KCNQ1: variants seen among roughly 807,000 people sequenced by gnomAD.
The protein encoded by KCNQ1 is potassium voltage-gated channel subfamily KQT member 1.
Under a neutral mutation model 72.4 loss-of-function variants are expected in KCNQ1, and 49 were observed. The ratio of observed to expected loss-of-function variants is 0.68; its 90% CI spans 0.54 to 0.86. The LOEUF (loss-of-function observed/expected upper bound fraction) is 0.86, where lower values mean the gene tolerates loss of function less well. Ranked by LOEUF, KCNQ1 falls within the 40% of genes least tolerant of loss-of-function variation. KCNQ1 has a pLI of 0.00. For missense variants in KCNQ1, 790 were observed against 945.1 expected, an observed-to-expected ratio of 0.84 and a Z score of 2.15; for synonymous variants, 450 against 412.6, an observed-to-expected ratio of 1.09 and a Z score of -1.10.
At position 2,465,188 on chromosome 11, in the gene KCNQ1, C is replaced by T. The variant is rs375228022; in HGVS notation, c.386+19704C>T. On this transcript the variant is annotated intron_variant, in intron 1 of 15. Transcript: ENST00000155840. Reference sequence around the variant, plus strand: ...TTTTTATTTTTTTTTGAAGCAGGGTCTCACTCTGTCGCCTAGGTTAGAGTG... The same window carrying T: ...TTTTTATTTTTTTTTGAAGCAGGGTTTCACTCTGTCGCCTAGGTTAGAGTG... Among the ~76,000 whole-genome samples the T allele has an allele frequency of 9.2e-5, 14 of 152,242 alleles. No homozygotes were observed. The Middle Eastern group carries it at 0.01, about 111-fold the overall frequency.
chr11:2,657,753 G>A lies in KCNQ1; in HGVS notation c.1394-4208G>A. 1 of 398,556 alleles carries A rather than the reference G, an allele frequency of 2.5e-6. No individual in the cohort carries two copies. 24.7% of individuals were successfully genotyped at this position (398,556 alleles called of 1,614,324 possible). ...TCTCTGATCGGTGACGGGCTTCTCA[G>A]TCTTGTTCTTCATTAACTTGACACT... On this transcript the variant is annotated intron_variant, in intron 10 of 15. Transcript: ENST00000155840. This position sits in a 1 kb window ranked among gnomAD's most constrained non-coding sequence, Gnocchi z 4.8.
At chr11:2,693,610 C>T (rs1850624879) in intron 11 of KCNQ1, 2 of 398,664 alleles carry the variant, frequency 5.0e-6, no homozygotes, top group Admixed American at 8.8e-5. Flanking sequence ...AAATTGCAAA[C>T]AAGAGCTTCG....
intron 11 of KCNQ1, among the ~76,000 whole-genome samples, chr11:2,729,105 C>T (rs555943169): frequency 6.6e-6 from 1 of 152,220 alleles, no homozygotes; most frequent in Non-Finnish European, 1.5e-5. Flanking sequence ...AAAGGGCGCT[C>T]GGGCCAGGAA....
chr11:2,548,272 A>C (rs774259095), intron 2 of KCNQ1, among the ~76,000 whole-genome samples: 4 of 152,210 alleles, frequency 2.6e-5, no homozygotes, highest in Non-Finnish European at 4.4e-5. Context: ...GGCTTCGTCC[A>C]GGGAGGTAGA....
chr11:2,536,390 T>G lies in KCNQ1; in HGVS notation c.477+8372T>G, dbSNP rs982787896. 6.7e-6 allele frequency among the ~76,000 whole-genome samples: 1 copy of G among 150,252 alleles called. No individual in the cohort carries two copies. The highest frequency in any genetic ancestry group is 1.5e-5 in the Non-Finnish European group (1 of 67,718). ...GTTATGGAAGGAAGGGAGGCTGGGGTGGGTGCCCCGAGTGCCTTGTTGGAG... is the reference window on the plus strand; with the variant it reads ...GTTATGGAAGGAAGGGAGGCTGGGGGGGGTGCCCCGAGTGCCTTGTTGGAG... On this transcript the variant is annotated intron_variant, in intron 2 of 15. Coordinates refer to ENST00000155840, the MANE Select transcript of KCNQ1 (RefSeq NM_000218.3). The surrounding 1 kb of genome is among the most constrained non-coding windows in gnomAD (Gnocchi z 7.4).
rs140174537 is a variant in KCNQ1, at chr11:2,759,034, G to A, written c.1515-9810G>A. 1.3e-3 allele frequency among the ~76,000 whole-genome samples: 200 copies of A among 152,124 alleles called. No homozygotes were observed. Among genetic ancestry groups the A allele is most frequent in the Admixed American group, 1.8e-3 (28 of 15,292 alleles). On this transcript the variant is annotated intron_variant, in intron 11 of 15. Coordinates refer to ENST00000155840, the MANE Select transcript of KCNQ1 (RefSeq NM_000218.3). The surrounding 1 kb of genome is among the most constrained non-coding windows in gnomAD (Gnocchi z 4.4). ...ACTGTACCAATGTCAATCTCCTGGC[G>A]TTGATCTGTTACTCCACCCATGCAA...
At chr11:2,807,238 C>T (rs1265414971) in intron 15 of KCNQ1, among the ~76,000 whole-genome samples, 1 of 152,238 alleles carries the variant, frequency 6.6e-6, no homozygotes, top group East Asian at 1.9e-4. Flanking sequence ...GCCGCAGCGA[C>T]GCCTCGAACG....
At position 2,813,344 on chromosome 11, in the gene KCNQ1, A is replaced by G. The variant is rs149873924; in HGVS notation, c.1795-34423A>G. Among the ~76,000 whole-genome samples the G allele has an allele frequency of 1.4e-4, 22 of 152,274 alleles. No homozygotes were observed. In the East Asian group the frequency reaches 3.9e-3, roughly 27 times the overall value. On this transcript the variant is annotated intron_variant, in intron 15 of 15. Transcript: ENST00000155840. This position sits in a 1 kb window ranked among gnomAD's most constrained non-coding sequence, Gnocchi z 4.4. ...CTGCCCTGTGTCCTCATGCACCTCC[A>G]TTCAGGGAACCTGGGCTCCCCACTC... is the stretch of plus-strand genomic sequence containing the variant.
intron 1 of KCNQ1, among the ~76,000 whole-genome samples, chr11:2,525,055 T>C (rs1455653292): frequency 6.6e-6 from 1 of 152,104 alleles, no homozygotes; most frequent in Non-Finnish European, 1.5e-5. Context: ...GGAGCCCTGG[T>C]AGGGTGGAGA....
rs1850851820 is a variant in KCNQ1, at chr11:2,703,367, T to C, written c.1514+41286T>C. Among the ~76,000 whole-genome samples, 1 of 152,178 alleles carries C rather than the reference T, an allele frequency of 6.6e-6. No homozygotes were observed. The highest frequency in any genetic ancestry group is 1.5e-5 in the Non-Finnish European group (1 of 68,016). ...ACGTGACAGAGGGCAGGTCCCATTC[T>C]CCTTTTGTGTCTGGTTTGCCTCATC... On this transcript the variant is annotated intron_variant, in intron 11 of 15. Coordinates refer to ENST00000155840, the MANE Select transcript of KCNQ1 (RefSeq NM_000218.3). This position sits in a 1 kb window ranked among gnomAD's most constrained non-coding sequence, Gnocchi z 6.4.
rs927093844 is a variant in KCNQ1 at position 2,670,879 on chromosome 11, G to A, written c.1514+8798G>A. 2.5e-6 allele frequency: 1 copy of A among 398,644 alleles called. No individual in the cohort carries two copies. Among genetic ancestry groups the A allele is most frequent in the Non-Finnish European group, 4.4e-6 (1 of 226,076 alleles). 24.7% of individuals were successfully genotyped at this position (398,644 alleles called of 1,614,324 possible). Reference sequence around the variant, plus strand: ...TCACTGGCCAGTGGGCCACTGGGAAGCCTCCTGGATTGCCTGGACAAGGCT... The same window carrying A: ...TCACTGGCCAGTGGGCCACTGGGAAACCTCCTGGATTGCCTGGACAAGGCT... On this transcript the variant is annotated intron_variant, in intron 11 of 15. Coordinates refer to ENST00000155840, the MANE Select transcript of KCNQ1 (RefSeq NM_000218.3). This position sits in a 1 kb window ranked among gnomAD's most constrained non-coding sequence, Gnocchi z 4.9.
rs193084677 is a variant in KCNQ1 at position 2,486,152 on chromosome 11, A to T, written c.386+40668A>T. On this transcript the variant is annotated intron_variant, in intron 1 of 15. Coordinates refer to ENST00000155840, the MANE Select transcript of KCNQ1 (RefSeq NM_000218.3). The surrounding 1 kb of genome is among the most constrained non-coding windows in gnomAD (Gnocchi z 5.0). ...CCACAGTAGCTACCACATCCTCACCAACACTTGTAATTTCTGGGGTTTTTT... is the reference window on the plus strand; with the variant it reads ...CCACAGTAGCTACCACATCCTCACCTACACTTGTAATTTCTGGGGTTTTTT... 6.6e-6 allele frequency among the ~76,000 whole-genome samples: 1 copy of T among 152,298 alleles called. No individual in the cohort carries two copies. Among genetic ancestry groups the T allele is most frequent in the Non-Finnish European group, 1.5e-5 (1 of 68,022 alleles).
At chr11:2,571,946 C>A in intron 4 of KCNQ1, 67 bp from the exon 5 acceptor site, 1 of 1,385,246 alleles carries the variant, frequency 7.2e-7, no homozygotes, top group Non-Finnish European at 1.0e-6. Flanking sequence ...CATCGGCCAG[C>A]CCTAGGCCCG....
chr11:2,532,448 T>C, intron 2 of KCNQ1, among the ~76,000 whole-genome samples: 1 of 152,174 alleles, frequency 6.6e-6, no homozygotes. Context: ...TGGAAACAAA[T>C]CCTTCAAGGG....
In KCNQ1 at chr11:2,830,758, G is replaced by A. The variant is rs555978968; in HGVS notation, c.1795-17009G>A. Among the ~76,000 whole-genome samples the A allele has an allele frequency of 5.9e-4, 90 of 152,238 alleles. 1 individual carries two copies. In the South Asian group the frequency reaches 0.014, roughly 23 times the overall value. On this transcript the variant is annotated intron_variant, in intron 15 of 15. Transcript: ENST00000155840. The surrounding 1 kb of genome is among the most constrained non-coding windows in gnomAD (Gnocchi z 7.7). ...CTCTGACCTCCCAAGGGCACCCCAC[G>A]TGTGTGCCCTCCAGCACCCTGGCCA... is the stretch of plus-strand genomic sequence containing the variant.
rs117255026 is a variant in KCNQ1, at chr11:2,769,719, G to A, written c.1590+800G>A. Among the ~76,000 whole-genome samples, 10 of 152,308 alleles carry A rather than the reference G, an allele frequency of 6.6e-5. No homozygotes were observed. The East Asian group carries it at 1.2e-3, about 18-fold the overall frequency. On this transcript the variant is annotated intron_variant, in intron 12 of 15. Coordinates refer to ENST00000155840, the MANE Select transcript of KCNQ1 (RefSeq NM_000218.3). This position sits in a 1 kb window ranked among gnomAD's most constrained non-coding sequence, Gnocchi z 4.6. ...CCAGAAGGCAAAAATCACAAAGCAG[G>A]GAAGGCTGGGGGGTGACTTGCCTGA...
In KCNQ1 at chr11:2,671,122, G is replaced by A. The variant is rs1590021652; in HGVS notation, c.1514+9041G>A. The A allele has an allele frequency of 5.0e-6, 2 of 398,446 alleles. No individual in the cohort carries two copies. The highest frequency in any genetic ancestry group is 7.1e-5 in the East Asian group (2 of 28,056). The allele number at this position is 398,446 out of a possible 1,614,324, so 24.7% of individuals were successfully genotyped here. On this transcript the variant is annotated intron_variant, in intron 11 of 15. Coordinates refer to ENST00000155840, the MANE Select transcript of KCNQ1 (RefSeq NM_000218.3). This position sits in a 1 kb window ranked among gnomAD's most constrained non-coding sequence, Gnocchi z 4.7. ...TTAGTCTGAGCAGTTAGTCTGTCAG[G>A]CCTGGTTGGTCCCATGGGAGGCCTG...
intron 15 of KCNQ1, among the ~76,000 whole-genome samples, chr11:2,838,326 G>C (rs982973324): frequency 6.6e-6 from 1 of 152,142 alleles, no homozygotes; most frequent in African/African-American, 2.4e-5. Context: ...AGCAGGCTTG[G>C]GGCTGGGGGC....
rs1047657256 is a variant in KCNQ1, at chr11:2,651,751, G to A, written c.1394-10210G>A. On this transcript the variant is annotated intron_variant, in intron 10 of 15. Transcript: ENST00000155840. This position sits in a 1 kb window ranked among gnomAD's most constrained non-coding sequence, Gnocchi z 6.1. Reference sequence around the variant, plus strand: ...TTTCTATACGTTTTCTCTGATTACTGGAAATTCCTCAAGTGTTGACCATTT... The same window carrying A: ...TTTCTATACGTTTTCTCTGATTACTAGAAATTCCTCAAGTGTTGACCATTT... 3.0e-5 allele frequency: 12 copies of A among 398,598 alleles called. No homozygotes were observed. In the East Asian group the frequency reaches 3.9e-4, roughly 13 times the overall value. 24.7% of individuals were successfully genotyped at this position (398,598 alleles called of 1,614,324 possible). A position where few individuals can be genotyped will look rare whatever the true frequency, so the allele number is the denominator to read the frequency against.
Sources: allele counts gnomAD v4.1 joint callset (sites outside exome capture counted in the v4.1 genomes callset), GRCh38; gene constraint gnomAD v4.1.1; non-coding constraint Gnocchi (gnomAD v3.1); transcripts MANE v1.5; gene names NCBI Gene and HGNC (gene_info 2026-07-23, HGNC 2026-07-21).